The following EPS15 variants were observed in gnomAD, a reference collection of about 807,000 sequenced individuals.
EPS15 encodes the protein epidermal growth factor receptor substrate 15.
A neutral mutation model predicts 113.8 loss-of-function variants in EPS15; 72 were observed. The ratio of observed to expected loss-of-function variants is 0.63; its 90% CI spans 0.52 to 0.77. The LOEUF is 0.77. Ranked by LOEUF, EPS15 falls within the 30% of genes least tolerant of loss-of-function variation. The pLI is 0.00. For missense variants in EPS15, 1,048 were observed against 1,045.8 expected (o/e 1.00, Z -0.03); for synonymous variants, 344 against 363.4 (o/e 0.95, Z 0.61).
intron 1 of EPS15, among the ~76,000 whole-genome samples, chr1:51,501,129 T>G (rs1251840059): frequency 6.6e-6 from 1 of 151,920 alleles, no homozygotes; most frequent in Non-Finnish European, 1.5e-5. Flanking sequence ...TTGTATTGGC[T>G]GGGTGTGGTG....
chr1:51,461,924 A>G (rs1293787685), intron 7 of EPS15: 1 of 152,194 alleles, frequency 6.6e-6, no homozygotes, highest in Non-Finnish European at 1.5e-5. Flanking sequence ...ACATTCAATC[A>G]CTACAATTCT....
intron 20 of EPS15, among the ~76,000 whole-genome samples, chr1:51,398,098 G>A (rs892699921): frequency 1.3e-5 from 2 of 149,742 alleles, no homozygotes; most frequent in Non-Finnish European, 2.9e-5. Context: ...CTGTCACCCA[G>A]GCTGGAGTGC....
At chr1:51,375,801 GT>G (rs1295730621) in intron 21 of EPS15, among the ~76,000 whole-genome samples, 2 of 152,044 alleles carry the variant, frequency 1.3e-5, no homozygotes, top group African/African-American at 2.4e-5. Context: ...AAAGACTTAC[GT>G]TGTAACTAAA....
chr1:51,447,151 C>T, intron 9 of EPS15, 46 bp from the exon 10 acceptor site: 1 of 1,530,726 alleles, frequency 6.5e-7, no homozygotes, highest in Non-Finnish European at 8.8e-7. Context: ...ATGAAACAAA[C>T]TTTGAAGTGT....
intron 19 of EPS15, 131 bp downstream of exon 19, chr1:51,400,787 C>A: frequency 3.3e-4 from 81 of 248,112 alleles, no homozygotes; most frequent in Middle Eastern, 1.1e-3. Flanking sequence ...AAAGAATTTA[C>A]TACTCTCTTT....
intron 21 of EPS15, among the ~76,000 whole-genome samples, chr1:51,389,225 T>C (rs964723841): frequency 1.3e-5 from 2 of 152,212 alleles, no homozygotes; most frequent in African/African-American, 4.8e-5. Flanking sequence ...AACCACATGA[T>C]TATCTCAATA....
At chr1:51,358,718 T>TG (rs1557763097) in intron 24 of EPS15, among the ~76,000 whole-genome samples, 1 of 149,684 alleles carries the variant, frequency 6.7e-6, no homozygotes. Context: ...TGTTTTTTTT[T>TG]TTTTTTTTGA....
intron 1 of EPS15, among the ~76,000 whole-genome samples, chr1:51,494,426 T>C (rs1025507057): frequency 2.6e-5 from 4 of 152,244 alleles, no homozygotes; most frequent in Admixed American, 6.5e-5. Context: ...ATCATTTCAA[T>C]AATTCTCCTG....
intron 21 of EPS15, among the ~76,000 whole-genome samples, chr1:51,392,802 C>G (rs1647516000): frequency 6.6e-6 from 1 of 152,212 alleles, no homozygotes; most frequent in Non-Finnish European, 1.5e-5. Flanking sequence ...CCTTTAATCT[C>G]TGCTGGTTTA....
chr1:51,518,112 C>A (rs565929910), intron 1 of EPS15, among the ~76,000 whole-genome samples: 24 of 152,270 alleles, frequency 1.6e-4, no homozygotes, highest in East Asian at 1.4e-3. Flanking sequence ...AGAGAACCGT[C>A]TGAGGAGACG....
intron 21 of EPS15, among the ~76,000 whole-genome samples, chr1:51,370,767 C>T (rs1323321441): frequency 6.6e-6 from 1 of 151,662 alleles, no homozygotes; most frequent in African/African-American, 2.4e-5. Context: ...ATTATAGGCA[C>T]GTACCACCAT....
intron 20 of EPS15, among the ~76,000 whole-genome samples, chr1:51,396,931 A>C (rs1277829602): frequency 6.6e-6 from 1 of 151,656 alleles, no homozygotes; most frequent in African/African-American, 2.4e-5. Context: ...CCCAAGCTGG[A>C]GTGCTGTGGT....
intron 1 of EPS15, among the ~76,000 whole-genome samples, chr1:51,492,050 T>C (rs917290253): frequency 2.0e-5 from 3 of 152,116 alleles, no homozygotes; most frequent in East Asian, 1.9e-4. Context: ...GTTTTCACCA[T>C]GTTGCCTAGG....
At chr1:51,452,713 A>C (rs1467333951) in intron 8 of EPS15, among the ~76,000 whole-genome samples, 1 of 152,198 alleles carries the variant, frequency 6.6e-6, no homozygotes, top group Non-Finnish European at 1.5e-5. Context: ...CTGGCTACAA[A>C]GCTCTTGTTT....
At chr1:51,394,772 T>C (rs1367889428) in intron 20 of EPS15, among the ~76,000 whole-genome samples, 2 of 152,226 alleles carry the variant, frequency 1.3e-5, no homozygotes, top group Non-Finnish European at 2.9e-5. Flanking sequence ...CATGTGTCCC[T>C]CTATAATCAC....
At chr1:51,407,424 C>G (rs1167378292) in intron 15 of EPS15, among the ~76,000 whole-genome samples, 1 of 152,176 alleles carries the variant, frequency 6.6e-6, no homozygotes, top group Non-Finnish European at 1.5e-5. Context: ...GTCTCGAACT[C>G]CCGGCCTCAA....
chr1:51,370,422 A>G (rs1381070416), intron 21 of EPS15, among the ~76,000 whole-genome samples: 1 of 152,126 alleles, frequency 6.6e-6, no homozygotes, highest in African/African-American at 2.4e-5. Flanking sequence ...AAATCCTGAA[A>G]CCAAAAATGC....
chr1:51,373,911 A>G (rs1443274059), intron 21 of EPS15, among the ~76,000 whole-genome samples: 1 of 152,158 alleles, frequency 6.6e-6, no homozygotes, highest in Non-Finnish European at 1.5e-5. Context: ...AGATTGCACC[A>G]CTGCACTCCA....
At chr1:51,402,061 C>T (rs959777446) in intron 18 of EPS15, among the ~76,000 whole-genome samples, 16 of 152,298 alleles carry the variant, frequency 1.1e-4, no homozygotes, top group Non-Finnish European at 1.8e-4. Flanking sequence ...AGCTTGAATC[C>T]GGGAGGCAGA....
Sources: gnomAD v4.1 joint callset for allele counts (sites outside exome capture counted in the v4.1 genomes callset) on GRCh38, gnomAD v4.1.1 for gene constraint, MANE v1.5 for transcripts, NCBI Gene and HGNC (gene_info 2026-07-23, HGNC 2026-07-21) for gene names.